NCK2: variants seen among roughly 807,000 people sequenced by gnomAD.
NCK2 encodes cytoplasmic protein NCK2.
Under a neutral mutation model 33.9 loss-of-function variants are expected in NCK2, and 16 were observed. The ratio of observed to expected loss-of-function variants is 0.47; its 90% CI spans 0.32 to 0.72. The LOEUF (loss-of-function observed/expected upper bound fraction) is 0.72, where lower values mean the gene tolerates loss of function less well. Among genes scored for constraint, NCK2 ranks in the 30% least tolerant of loss-of-function variants. The probability of loss-of-function intolerance (pLI) is 0.03; values close to 1 mark genes in which losing one functional copy is unlikely to be tolerated. For missense variants in NCK2, 418 were observed against 537.3 expected (o/e 0.78, Z 2.19); for synonymous variants, 273 against 239.9 (o/e 1.14, Z -1.27).
intron 2 of NCK2, among the ~76,000 whole-genome samples, chr2:105,829,338 T>C (rs192895082): frequency 2.0e-5 from 3 of 152,284 alleles, no homozygotes; most frequent in Admixed American, 1.3e-4. Context: ...TACAGAAGGC[T>C]TATGAAGATA....
At chr2:105,867,882 A>C (rs1414562482) in intron 3 of NCK2, among the ~76,000 whole-genome samples, 2 of 152,266 alleles carry the variant, frequency 1.3e-5, no homozygotes, top group Non-Finnish European at 2.9e-5. Context: ...AACGTGAACC[A>C]AATATGCCAG....
chr2:105,834,366 C>T (rs1423995021), intron 2 of NCK2, among the ~76,000 whole-genome samples: 1 of 152,134 alleles, frequency 6.6e-6, no homozygotes, highest in Non-Finnish European at 1.5e-5. Context: ...TTTTTGAATT[C>T]ACTCCTTTAT....
intron 3 of NCK2, among the ~76,000 whole-genome samples, chr2:105,860,750 G>C (rs552936334): frequency 1.3e-5 from 2 of 151,702 alleles, no homozygotes; most frequent in Admixed American, 1.3e-4. Flanking sequence ...CGTGGATGCC[G>C]GCGGCGCTGT....
intron 1 of NCK2, among the ~76,000 whole-genome samples, chr2:105,762,003 T>C (rs1689779128): frequency 6.6e-6 from 1 of 152,362 alleles, no homozygotes; most frequent in South Asian, 2.1e-4. Context: ...AAATATCTTG[T>C]CCTTTTTCTA....
At chr2:105,863,456 G>A (rs1677626053) in intron 3 of NCK2, among the ~76,000 whole-genome samples, 1 of 152,160 alleles carries the variant, frequency 6.6e-6, no homozygotes, top group Admixed American at 6.5e-5. Flanking sequence ...CTTTGAAACA[G>A]GGATGCAGAC....
At chr2:105,886,101 G>C (rs1678711052) in intron 4 of NCK2, among the ~76,000 whole-genome samples, 1 of 152,202 alleles carries the variant, frequency 6.6e-6, no homozygotes. Context: ...TTAACCTTAG[G>C]TTGCTGTGAG....
intron 1 of NCK2, among the ~76,000 whole-genome samples, chr2:105,792,034 G>A (rs1421777162): frequency 6.6e-6 from 1 of 152,184 alleles, no homozygotes; most frequent in African/African-American, 2.4e-5. Context: ...TGTGTTGTGG[G>A]CTCTGCACAG....
At chr2:105,753,929 A>G (rs1046067649) in intron 1 of NCK2, among the ~76,000 whole-genome samples, 15 of 152,162 alleles carry the variant, frequency 9.9e-5, no homozygotes, top group African/African-American at 3.6e-4. Flanking sequence ...GACTGCTGCT[A>G]CAGGTCCTGA....
chr2:105,829,329 A>T (rs1015056130), intron 2 of NCK2, among the ~76,000 whole-genome samples: 3 of 152,144 alleles, frequency 2.0e-5, no homozygotes, highest in Non-Finnish European at 4.4e-5. Flanking sequence ...TTTTAGATTT[A>T]CAGAAGGCTT....
chr2:105,785,798 G>A (rs147297171), intron 1 of NCK2, among the ~76,000 whole-genome samples: 4 of 152,286 alleles, frequency 2.6e-5, no homozygotes, highest in East Asian at 3.9e-4. Context: ...GAGGTTGGGC[G>A]CAGGACTCCT....
Position 105,860,013 on chromosome 2 carries a change from G to A in NCK2, c.226+4724G>A, listed in dbSNP as rs576216130. Among the ~76,000 whole-genome samples, 340 of 152,312 alleles carry A rather than the reference G, an allele frequency of 2.2e-3. 2 individuals are homozygous for A. Among genetic ancestry groups the A allele is most frequent in the Non-Finnish European group, 4.1e-3 (276 of 68,034 alleles). On this transcript the variant is annotated intron_variant, in intron 3 of 4. Transcript: ENST00000233154. ...CAAAACAACAATCAGGGCTGGGCAC[G>A]ATGGTTTATGCCTGTAATCCCAGTG...
At chr2:105,820,697 T>G (rs1295481182) in intron 2 of NCK2, among the ~76,000 whole-genome samples, 1 of 151,288 alleles carries the variant, frequency 6.6e-6, no homozygotes, top group Non-Finnish European at 1.5e-5. Context: ...TGACTGTAAT[T>G]GATTGTTGGA....
At chr2:105,787,305 G>A (rs1437720961) in intron 1 of NCK2, among the ~76,000 whole-genome samples, 2 of 152,214 alleles carry the variant, frequency 1.3e-5, no homozygotes, top group Admixed American at 1.3e-4. Flanking sequence ...GCAATGGACT[G>A]AAATTTTATG....
chr2:105,755,124 C>G (rs1392771265), intron 1 of NCK2, among the ~76,000 whole-genome samples: 3 of 152,202 alleles, frequency 2.0e-5, no homozygotes, highest in Middle Eastern at 3.4e-3. Context: ...TAGGAGCTTC[C>G]TAGCTTGGAT....
intron 3 of NCK2, among the ~76,000 whole-genome samples, chr2:105,870,600 A>G (rs1573229493): frequency 6.6e-6 from 1 of 152,128 alleles, no homozygotes; most frequent in African/African-American, 2.4e-5. Flanking sequence ...TACTAAAAAT[A>G]TAAAAATTAG....
At chr2:105,785,488 C>T (rs1023699134) in intron 1 of NCK2, among the ~76,000 whole-genome samples, 3 of 152,188 alleles carry the variant, frequency 2.0e-5, no homozygotes, top group South Asian at 2.1e-4. Flanking sequence ...AGTGACACGA[C>T]CAAAAGACCG....
intron 1 of NCK2, among the ~76,000 whole-genome samples, chr2:105,773,715 A>T (rs1407675528): frequency 6.6e-6 from 1 of 152,002 alleles, no homozygotes; most frequent in Non-Finnish European, 1.5e-5. Context: ...TTGAGCACCT[A>T]CTCTGAGCCA....
intron 1 of NCK2, among the ~76,000 whole-genome samples, chr2:105,755,125 T>C (rs1344799322): frequency 6.6e-6 from 1 of 152,192 alleles, no homozygotes; most frequent in African/African-American, 2.4e-5. Context: ...AGGAGCTTCC[T>C]AGCTTGGATT....
At chr2:105,811,305 G>A (rs1449999551) in intron 1 of NCK2, among the ~76,000 whole-genome samples, 2 of 152,184 alleles carry the variant, frequency 1.3e-5, no homozygotes, top group Non-Finnish European at 2.9e-5. Context: ...GTGGGGTGGT[G>A]GATGAGGGAA....
Sources: gnomAD v4.1 joint callset for allele counts (sites outside exome capture counted in the v4.1 genomes callset) on GRCh38, gnomAD v4.1.1 for gene constraint, MANE v1.5 for transcripts, NCBI Gene and HGNC (gene_info 2026-07-23, HGNC 2026-07-21) for gene names.